ZFAND3: variants seen among roughly 807,000 people sequenced by gnomAD.
ZFAND3 encodes zinc finger AN1-type containing 3, also known as AN1-type zinc finger protein 3.
Under a neutral mutation model 29.6 loss-of-function variants are expected in ZFAND3, and 10 were observed. The ratio of observed to expected loss-of-function variants is 0.34; its 90% CI spans 0.21 to 0.57. The LOEUF (loss-of-function observed/expected upper bound fraction) is 0.57, where lower values mean the gene tolerates loss of function less well. ZFAND3 is among the 20% of genes least tolerant of loss of function. The pLI is 0.86. For missense variants in ZFAND3, 230 were observed against 304.5 expected (o/e 0.76, Z 1.82); for synonymous variants, 128 against 112.6 (o/e 1.14, Z -0.87).
chr6:38,081,315 G>C (rs956077306), intron 3 of ZFAND3, among the ~76,000 whole-genome samples: 2 of 152,036 alleles, frequency 1.3e-5, no homozygotes, highest in African/African-American at 4.8e-5. Flanking sequence ...ACTAAGGGTT[G>C]TTGCTGTTAT....
At chr6:37,913,532 C>T (rs34054102) in intron 1 of ZFAND3, among the ~76,000 whole-genome samples, 19,829 of 152,010 alleles carry the variant, frequency 0.13, 2,123 homozygotes, top group African/African-American at 0.3. Flanking sequence ...ATCTGGAACC[C>T]CTCAAAGCCA....
intron 1 of ZFAND3, among the ~76,000 whole-genome samples, chr6:37,874,244 G>A (rs1394417028): frequency 6.6e-6 from 1 of 152,114 alleles, no homozygotes; most frequent in Non-Finnish European, 1.5e-5. Context: ...GGCCGGACGT[G>A]GTGGCTCACG....
At chr6:38,089,066 G>C (rs1427001233) in intron 4 of ZFAND3, among the ~76,000 whole-genome samples, 1 of 151,852 alleles carries the variant, frequency 6.6e-6, no homozygotes, top group African/African-American at 2.4e-5. Context: ...ATTGTTCATT[G>C]TTCTCTTTTT....
chr6:38,030,091 TATATATATATAG>T, intron 2 of ZFAND3, among the ~76,000 whole-genome samples: 2 of 120,186 alleles, frequency 1.7e-5, no homozygotes, highest in African/African-American at 3.1e-5. Context: ...TATATATATA[TATATATATATAG>T]CCTGAGAAGG....
At chr6:38,064,414 C>T (rs1450134261) in intron 3 of ZFAND3, among the ~76,000 whole-genome samples, 2 of 152,160 alleles carry the variant, frequency 1.3e-5, no homozygotes, top group Non-Finnish European at 2.9e-5. Context: ...AGGAATTAGA[C>T]ACAAAAAGAT....
intron 5 of ZFAND3, among the ~76,000 whole-genome samples, chr6:38,142,566 A>C (rs1305242170): frequency 6.6e-6 from 1 of 152,212 alleles, no homozygotes; most frequent in African/African-American, 2.4e-5. Flanking sequence ...TAATCTTTTA[A>C]AGGATTGGGA....
chr6:37,919,417 A>C (rs906457357), intron 1 of ZFAND3, among the ~76,000 whole-genome samples: 1 of 152,242 alleles, frequency 6.6e-6, no homozygotes, highest in Non-Finnish European at 1.5e-5. Flanking sequence ...CCATGTCTGC[A>C]CAGACATCAG....
intron 1 of ZFAND3, among the ~76,000 whole-genome samples, chr6:37,857,246 A>G (rs995179971): frequency 6.6e-6 from 1 of 152,244 alleles, no homozygotes; most frequent in African/African-American, 2.4e-5. Context: ...TAATCTGATT[A>G]GGATAAATAT....
chr6:38,009,165 A>G (rs370236298), intron 2 of ZFAND3, among the ~76,000 whole-genome samples: 35 of 152,354 alleles, frequency 2.3e-4, no homozygotes, highest in African/African-American at 7.7e-4. Context: ...CCCTTTGAGT[A>G]TATTAACTAA....
At chr6:38,091,820 G>T (rs1409777484) in intron 4 of ZFAND3, among the ~76,000 whole-genome samples, 1 of 151,878 alleles carries the variant, frequency 6.6e-6, no homozygotes, top group Non-Finnish European at 1.5e-5. Flanking sequence ...GCTGAGGCAT[G>T]GAGGCCTTAT....
intron 5 of ZFAND3, among the ~76,000 whole-genome samples, chr6:38,130,869 T>C (rs1036737409): frequency 1.3e-5 from 2 of 152,192 alleles, no homozygotes; most frequent in African/African-American, 4.8e-5. Context: ...TGTGGAATAG[T>C]GTCAATAGGA....
chr6:37,825,744 T>C (rs1370656490), intron 1 of ZFAND3, among the ~76,000 whole-genome samples: 1 of 152,166 alleles, frequency 6.6e-6, no homozygotes, highest in East Asian at 1.9e-4. Flanking sequence ...GTATCAAAAT[T>C]AACATTAGTT....
At chr6:38,037,055 AT>A (rs1177995263) in intron 2 of ZFAND3, among the ~76,000 whole-genome samples, 2 of 152,220 alleles carry the variant, frequency 1.3e-5, no homozygotes, top group African/African-American at 4.8e-5. Flanking sequence ...AGTTTGAAAA[AT>A]GTCATGTTCT....
intron 2 of ZFAND3, among the ~76,000 whole-genome samples, chr6:37,981,619 G>T (rs912676148): frequency 1.3e-5 from 2 of 151,908 alleles, no homozygotes; most frequent in African/African-American, 4.8e-5. Context: ...ATATATATGT[G>T]TATGTTTTTG....
chr6:37,880,869 G>A (rs944637498), intron 1 of ZFAND3, among the ~76,000 whole-genome samples: 1 of 115,544 alleles, frequency 8.7e-6, no homozygotes, highest in African/African-American at 3.3e-5. Context: ...GGTGGGGTCG[G>A]GGGAGGGGGG....
intron 1 of ZFAND3, among the ~76,000 whole-genome samples, chr6:37,871,490 C>T (rs1206256943): frequency 1.3e-5 from 2 of 152,198 alleles, no homozygotes; most frequent in African/African-American, 2.4e-5. Context: ...AGTGTGGCAT[C>T]TTGGATTGGA....
intron 1 of ZFAND3, among the ~76,000 whole-genome samples, chr6:37,828,727 C>A (rs1266222309): frequency 6.6e-6 from 1 of 151,942 alleles, no homozygotes; most frequent in African/African-American, 2.4e-5. Flanking sequence ...TGGCTCACTG[C>A]AACCTCTGCC....
chr6:37,958,814 T>C (rs1762147224), intron 2 of ZFAND3, among the ~76,000 whole-genome samples: 3 of 149,490 alleles, frequency 2.0e-5, no homozygotes, highest in South Asian at 2.2e-4. Context: ...TAAATTTCCA[T>C]AGGGATAGAC....
chr6:38,077,046 G>A (rs1234195860), intron 3 of ZFAND3, among the ~76,000 whole-genome samples: 1 of 151,608 alleles, frequency 6.6e-6, no homozygotes, highest in African/African-American at 2.4e-5. Flanking sequence ...TTCTTAACAT[G>A]GACACATCAG....
Sources: allele counts gnomAD v4.1 joint callset (sites outside exome capture counted in the v4.1 genomes callset), GRCh38; gene constraint gnomAD v4.1.1; transcripts MANE v1.5; gene names NCBI Gene and HGNC (gene_info 2026-07-23, HGNC 2026-07-21).